DOCK3: variants seen among roughly 807,000 people sequenced by gnomAD.
DOCK3 encodes dedicator of cytokinesis protein 3.
DOCK3 carries 60 observed loss-of-function variants against 265.6 expected under a neutral mutation model. That is an observed-to-expected ratio of 0.23 (90% CI 0.18 to 0.28). DOCK3 has a LOEUF of 0.28. Among genes scored for constraint, DOCK3 ranks in the 10% least tolerant of loss-of-function variants. The pLI is 1.00. For missense variants in DOCK3, 1,981 were observed against 2,594.3 expected (o/e 0.76, Z 5.14); for synonymous variants, 881 against 938.0 (o/e 0.94, Z 1.11).
At chr3:51,019,752 T>G (rs987839398) in intron 5 of DOCK3, among the ~76,000 whole-genome samples, 3 of 151,860 alleles carry the variant, frequency 2.0e-5, no homozygotes, top group African/African-American at 4.9e-5. Flanking sequence ...CTGCATTAGT[T>G]TGCTGAAGGT....
At position 51,361,987 on chromosome 3, in the gene DOCK3, A is replaced by T. The variant is rs770986430; in HGVS notation, c.5135A>T (p.His1712Leu). Residue 1712 changes from histidine (H) to leucine (L), a missense_variant, in exon 48 of 53, where the codon CAC becomes CTC. By Grantham distance (99) the His-to-Leu change is moderately conservative (BLOSUM62 -3). This residue lies in a region of DOCK3 where 1,357 missense variants were observed against 1,866.8 expected (regional missense o/e 0.73). Coordinates refer to ENST00000266037, the MANE Select transcript of DOCK3 (RefSeq NM_004947.5). The surrounding 1 kb of genome is among the most constrained non-coding windows in gnomAD (Gnocchi z 4.2). The part of the protein sequence containing the change: ...SMGDAPEDLY[H>L]HMQLAYPNPR... ...GGTGATGCTCCTGAGGACCTGTACCACCACATGCAGGTACAGAGCTGTCCA... is the reference window on the plus strand; with the variant it reads ...GGTGATGCTCCTGAGGACCTGTACCTCCACATGCAGGTACAGAGCTGTCCA... The T allele has an allele frequency of 6.2e-7, 1 of 1,607,850 alleles. No homozygotes were observed. Among genetic ancestry groups the T allele is most frequent in the Admixed American group, 1.7e-5 (1 of 59,208 alleles).
At chr3:51,108,481 G>A (rs2083382945) in intron 9 of DOCK3, among the ~76,000 whole-genome samples, 2 of 152,116 alleles carry the variant, frequency 1.3e-5, no homozygotes, top group African/African-American at 4.8e-5. Context: ...AGCCACACAA[G>A]TTAGCAAATA....
chr3:51,277,486 C>T (rs891272130), intron 25 of DOCK3, 122 bp from the exon 26 acceptor site: 3 of 1,303,426 alleles, frequency 2.3e-6, no homozygotes, highest in Non-Finnish European at 3.0e-6. Flanking sequence ...GTTGGTGAGA[C>T]TGAGAGCTTG....
chr3:51,108,374 A>C (rs969261357), intron 9 of DOCK3, among the ~76,000 whole-genome samples: 1 of 152,234 alleles, frequency 6.6e-6, no homozygotes, highest in Non-Finnish European at 1.5e-5. Flanking sequence ...CTGCCTTACA[A>C]GAGCTTCTAA....
At chr3:51,112,295 A>G (rs549413196) in intron 9 of DOCK3, among the ~76,000 whole-genome samples, 2 of 152,134 alleles carry the variant, frequency 1.3e-5, no homozygotes, top group African/African-American at 2.4e-5. Context: ...TTTTTTGGAA[A>G]AAAGAATAGA....
intron 1 of DOCK3, among the ~76,000 whole-genome samples, chr3:50,737,751 G>A (rs145340006): frequency 0.015 from 2,282 of 151,996 alleles, 28 homozygotes; most frequent in Non-Finnish European, 0.02. Flanking sequence ...GAATTTGTTT[G>A]GTTCTTTTTC....
At chr3:50,785,637 C>T (rs1455951502) in intron 2 of DOCK3, among the ~76,000 whole-genome samples, 2 of 152,196 alleles carry the variant, frequency 1.3e-5, no homozygotes, top group Middle Eastern at 6.8e-3. Flanking sequence ...TATGTTAAAC[C>T]ATCTCTGTGT....
chr3:50,787,441 A>G (rs1331646921), intron 2 of DOCK3: 1 of 419,950 alleles, frequency 2.4e-6, no homozygotes, highest in African/African-American at 2.1e-5. Flanking sequence ...AGGCTGAGGC[A>G]GGAGAATCGC....
chr3:51,115,523 C>T (rs1651207867), intron 9 of DOCK3, among the ~76,000 whole-genome samples: 1 of 151,764 alleles, frequency 6.6e-6, no homozygotes, highest in African/African-American at 2.4e-5. Context: ...TGTTTAAGTT[C>T]CTTATAGATT....
At chr3:50,875,857 TAAAA>T (rs78356817) in intron 3 of DOCK3, among the ~76,000 whole-genome samples, 1 of 143,490 alleles carries the variant, frequency 7.0e-6, no homozygotes, top group African/African-American at 2.6e-5. Flanking sequence ...ATTTTTGAAT[TAAAA>T]AAAAAAAAAC....
chr3:50,680,361 G>C (rs922146425), intron 1 of DOCK3, among the ~76,000 whole-genome samples: 2 of 151,164 alleles, frequency 1.3e-5, no homozygotes, highest in Non-Finnish European at 3.0e-5. Context: ...ACAGGTGTGC[G>C]CCGCCACACC....
At chr3:50,774,387 CTA>C (rs1415972739) in intron 1 of DOCK3, among the ~76,000 whole-genome samples, 3 of 151,900 alleles carry the variant, frequency 2.0e-5, no homozygotes, top group African/African-American at 7.2e-5. Flanking sequence ...TTTAATGTCT[CTA>C]ATATTTTATA....
chr3:51,047,891 A>G (rs1199332509), intron 5 of DOCK3, among the ~76,000 whole-genome samples: 1 of 152,174 alleles, frequency 6.6e-6, no homozygotes. Flanking sequence ...TTATGAGGCC[A>G]GCATCACCAT....
At chr3:51,035,444 T>C (rs1404535264) in intron 5 of DOCK3, among the ~76,000 whole-genome samples, 3 of 152,188 alleles carry the variant, frequency 2.0e-5, no homozygotes, top group African/African-American at 7.2e-5. Flanking sequence ...ATAATTTCTT[T>C]TGAGATTTCT....
intron 1 of DOCK3, among the ~76,000 whole-genome samples, chr3:50,769,014 A>G (rs1382862924): frequency 6.6e-6 from 1 of 150,870 alleles, no homozygotes; most frequent in Non-Finnish European, 1.5e-5. Flanking sequence ...GATGTTGAGC[A>G]TTTTTTCATA....
At chr3:51,339,320 A>G (rs1425396559) in intron 37 of DOCK3, among the ~76,000 whole-genome samples, 1 of 152,088 alleles carries the variant, frequency 6.6e-6, no homozygotes, top group Non-Finnish European at 1.5e-5. Context: ...TGACCTCCAA[A>G]TTCTGGTGCA....
rs1037473871 is a variant in DOCK3, at chr3:51,361,489, G to A, written c.5007-370G>A. ...CATCATGGTGTGGGGGGGTTGGGGG[G>A]TGGGCACTGACCCAGACTAATACCC... On this transcript the variant is annotated intron_variant, in intron 47 of 52. Coordinates refer to ENST00000266037, the MANE Select transcript of DOCK3 (RefSeq NM_004947.5). The surrounding 1 kb of genome is among the most constrained non-coding windows in gnomAD (Gnocchi z 4.2). Among the ~76,000 whole-genome samples the A allele has an allele frequency of 5.9e-5, 9 of 151,668 alleles. No homozygotes were observed. Among genetic ancestry groups the A allele is most frequent in the Non-Finnish European group, 8.8e-5 (6 of 67,918 alleles).
intron 1 of DOCK3, among the ~76,000 whole-genome samples, chr3:50,677,434 C>T (rs1423096766): frequency 2.6e-5 from 4 of 152,136 alleles, no homozygotes; most frequent in Non-Finnish European, 4.4e-5. Context: ...TCAATTAAAA[C>T]GGCATTTTTG....
chr3:51,356,982 G>T lies in DOCK3; in HGVS notation c.4524G>T (p.Glu1508Asp). ...RRELVEVSPL[E>D]NAIQVVENKN... ...CCTAGGTGGAGGTGAGCCCTCTGGA[G>T]AATGCCATCCAAGTGGTTGAGAATA... The change falls in exon 44 of 53, where the codon GAG becomes GAT. Residue 1508 changes from glutamate to aspartate, a missense_variant. Glu to Asp is a conservative substitution (Grantham distance 45). This residue lies in a region of DOCK3 where 1,357 missense variants were observed against 1,866.8 expected (regional missense o/e 0.73). Coordinates refer to ENST00000266037, the MANE Select transcript of DOCK3 (RefSeq NM_004947.5). 1 of 1,613,188 alleles carries T rather than the reference G, an allele frequency of 6.2e-7. No individual in the cohort carries two copies. The highest frequency in any genetic ancestry group is 1.1e-5 in the South Asian group (1 of 90,946).
Sources: gnomAD v4.1 joint callset for allele counts (sites outside exome capture counted in the v4.1 genomes callset) on GRCh38, gnomAD v4.1.1 for gene constraint, gnomAD v4.1.1 regional missense constraint, Gnocchi (gnomAD v3.1) non-coding constraint, MANE v1.5 for transcripts, NCBI Gene and HGNC (gene_info 2026-07-23, HGNC 2026-07-21) for gene names.